Variants in PSD2 observed in about 807,000 individuals in gnomAD.
PSD2 encodes PH and SEC7 domain-containing protein 2.
In PSD2, 38 loss-of-function variants were observed where a neutral mutation model predicts 69.8. The observed-to-expected ratio is 0.54, with a 90% CI of 0.42 to 0.71. PSD2 has a LOEUF of 0.71. PSD2 is among the 30% of genes least tolerant of loss of function. The probability of loss-of-function intolerance (pLI) is 0.00; values close to 1 mark genes in which losing one functional copy is unlikely to be tolerated. For synonymous variants in PSD2, 412 were observed against 423.0 expected, an observed-to-expected ratio of 0.97 and a Z score of 0.32; for missense variants, 943 against 1,014.5, an observed-to-expected ratio of 0.93 and a Z score of 0.96.
rs1424366224 is a variant in PSD2 at position 139,795,922 on chromosome 5, G to C, written c.-104G>C. ...GGCGGGGCGGGACAGGCAGCCCGGCGGCCTCCGATGGCCCCGCCGTGAGAG... is the reference window on the plus strand; with the variant it reads ...GGCGGGGCGGGACAGGCAGCCCGGCCGCCTCCGATGGCCCCGCCGTGAGAG... On this transcript the variant is annotated 5_prime_UTR_variant, in exon 1 of 15. Coordinates refer to ENST00000274710, the MANE Select transcript of PSD2 (RefSeq NM_032289.4). The surrounding 1 kb of genome is among the most constrained non-coding windows in gnomAD (Gnocchi z 4.5). The C allele has an allele frequency of 2.7e-5, 4 of 150,468 alleles. No individual in the cohort carries two copies. The highest frequency in any genetic ancestry group is 9.7e-5 in the African/African-American group (4 of 41,246). 9.3% of individuals were successfully genotyped at this position (150,468 alleles called of 1,614,324 possible). A position where few individuals can be genotyped will look rare whatever the true frequency, so the allele number is the denominator to read the frequency against.
chr5:139,772,330 G>C, the PSD2 span, among the ~76,000 whole-genome samples: 9 of 152,098 alleles, frequency 5.9e-5, no homozygotes, highest in Non-Finnish European at 1.3e-4. Context: ...CCTGCCCCAA[G>C]GACTGTTGAG....
chr5:139,781,652 G>C, the PSD2 span, among the ~76,000 whole-genome samples: 1 of 145,358 alleles, frequency 6.9e-6, no homozygotes, highest in South Asian at 2.3e-4. Context: ...TTTTTATTTT[G>C]AGATGGACTC....
At chr5:139,789,365 C>G in the PSD2 span, among the ~76,000 whole-genome samples, 1 of 152,296 alleles carries the variant, frequency 6.6e-6, no homozygotes, top group East Asian at 1.9e-4. Context: ...GAGGCCTTCG[C>G]TGAACACCTG....
At chr5:139,825,671 A>G (rs1760397828) in intron 7 of PSD2, among the ~76,000 whole-genome samples, 1 of 122,050 alleles carries the variant, frequency 8.2e-6, no homozygotes, top group Non-Finnish European at 1.6e-5. Context: ...GAGGGGGAAG[A>G]AACTTCTGTG....
the PSD2 span, among the ~76,000 whole-genome samples, chr5:139,788,539 C>T: frequency 2.0e-5 from 3 of 152,140 alleles, no homozygotes; most frequent in East Asian, 5.8e-4. Context: ...CAAGGGGCTT[C>T]TCCCCCTAAC....
chr5:139,844,195 G>T lies in PSD2; in HGVS notation c.*1721G>T, dbSNP rs1361764308. On this transcript the variant is annotated 3_prime_UTR_variant, in exon 15 of 15. Coordinates refer to ENST00000274710, the MANE Select transcript of PSD2 (RefSeq NM_032289.4). ...GCCTCAAAAGTTCTGTGAGTTTCGGGGTCAGTGTCCCACCCTTCACTTCCC... is the reference window on the plus strand; with the variant it reads ...GCCTCAAAAGTTCTGTGAGTTTCGGTGTCAGTGTCCCACCCTTCACTTCCC... 1.3e-5 allele frequency: 2 copies of T among 152,174 alleles called. No individual in the cohort carries two copies. Among genetic ancestry groups the T allele is most frequent in the Non-Finnish European group, 2.9e-5 (2 of 68,046 alleles). The allele number at this position is 152,174 out of a possible 1,614,324, so 9.4% of individuals were successfully genotyped here.
At chr5:139,796,570 A>T (rs1469981836) in intron 1 of PSD2, among the ~76,000 whole-genome samples, 1 of 152,164 alleles carries the variant, frequency 6.6e-6, no homozygotes, top group Non-Finnish European at 1.5e-5. Flanking sequence ...GAGGCACATA[A>T]TGGCCGAGGC....
At chr5:139,765,231 C>T in the PSD2 span, among the ~76,000 whole-genome samples, 2 of 152,136 alleles carry the variant, frequency 1.3e-5, no homozygotes, top group African/African-American at 2.4e-5. Context: ...ACAATGTCTC[C>T]AGTTGTTATT....
chr5:139,818,805 G>A (rs1760187456), intron 5 of PSD2, among the ~76,000 whole-genome samples: 1 of 152,024 alleles, frequency 6.6e-6, no homozygotes, highest in Non-Finnish European at 1.5e-5. Flanking sequence ...GGAACCATAG[G>A]CATAAATGGG....
chr5:139,836,521 G>A (rs1050678750), intron 9 of PSD2, among the ~76,000 whole-genome samples: 2 of 152,216 alleles, frequency 1.3e-5, no homozygotes, highest in Non-Finnish European at 2.9e-5. Context: ...CTAGGAAGGA[G>A]ACCTGGTGAC....
At chr5:139,768,863 T>C in the PSD2 span, among the ~76,000 whole-genome samples, 1 of 152,190 alleles carries the variant, frequency 6.6e-6, no homozygotes, top group Non-Finnish European at 1.5e-5. Context: ...CTGGACTAAC[T>C]GTCTGATCTG....
chr5:139,836,835 C>G lies in PSD2; in HGVS notation c.1428C>G (p.Ser476=). 6.2e-7 allele frequency: 1 copy of G among 1,614,100 alleles called. No homozygotes were observed. The highest frequency in any genetic ancestry group is 8.5e-7 in the Non-Finnish European group (1 of 1,179,968). Residue 476 remains serine (S), a synonymous_variant, in exon 10 of 15, where the codon TCC becomes TCG. Transcript: ENST00000274710. The part of the protein sequence containing the change: ...WAIDEDELRK[S]LSELVDDKFG... ...GTGATGAGGATGAGCTGAGGAAATC[C>G]CTGTCTGAGCTGGTGGATGACAAGT...
intron 7 of PSD2, among the ~76,000 whole-genome samples, chr5:139,832,731 T>C (rs892322836): frequency 6.6e-6 from 1 of 152,228 alleles, no homozygotes; most frequent in African/African-American, 2.4e-5. Flanking sequence ...CACAAAATCC[T>C]TCAGTGATAA....
intron 7 of PSD2, among the ~76,000 whole-genome samples, chr5:139,824,844 C>T (rs373035272): frequency 2.0e-5 from 3 of 152,128 alleles, no homozygotes; most frequent in Non-Finnish European, 4.4e-5. Flanking sequence ...TCCCCTCCCA[C>T]GTCACTCATC....
chr5:139,799,766 TGTTGCTGGGGGGTATC>T (rs1485924725), intron 1 of PSD2, among the ~76,000 whole-genome samples: 2 of 149,100 alleles, frequency 1.3e-5, no homozygotes, highest in East Asian at 4.0e-4. Context: ...GCTGGGAGGG[TGTTGCTGGGGGGTATC>T]GGAGAAGGGG....
chr5:139,794,096 G>A (rs1488636095), upstream of PSD2, among the ~76,000 whole-genome samples: 2 of 152,174 alleles, frequency 1.3e-5, no homozygotes, highest in Non-Finnish European at 2.9e-5. Flanking sequence ...TTAAGATCCT[G>A]GGCACCTGCA....
At chr5:139,755,053 C>T in the PSD2 span, among the ~76,000 whole-genome samples, 5 of 152,318 alleles carry the variant, frequency 3.3e-5, no homozygotes, top group South Asian at 6.2e-4. Context: ...CAGACAGTCC[C>T]GTAGGGGAGG....
the PSD2 span, among the ~76,000 whole-genome samples, chr5:139,790,060 G>A: frequency 6.6e-6 from 1 of 152,090 alleles, no homozygotes; most frequent in East Asian, 1.9e-4. Flanking sequence ...CGGTGTGTCT[G>A]CAGGAGAATG....
chr5:139,774,806 A>G, the PSD2 span, among the ~76,000 whole-genome samples: 2 of 152,030 alleles, frequency 1.3e-5, no homozygotes, highest in African/African-American at 2.4e-5. Context: ...AAGGCTTTCT[A>G]TTTGCAATTT....
Sources: allele counts gnomAD v4.1 joint callset (sites outside exome capture counted in the v4.1 genomes callset), GRCh38; gene constraint gnomAD v4.1.1; non-coding constraint Gnocchi (gnomAD v3.1); transcripts MANE v1.5; gene names NCBI Gene and HGNC (gene_info 2026-07-23, HGNC 2026-07-21).